Variants in DRC10 observed in about 807,000 individuals in gnomAD.
DRC10 encodes dynein regulatory complex subunit 10.
At chr12:113,218,185 G>A in the DRC10 span, among the ~76,000 whole-genome samples, 1 of 150,534 alleles carries the variant, frequency 6.6e-6, no homozygotes, top group African/African-American at 2.5e-5. Flanking sequence ...TTCCCAGGCT[G>A]GAGTGCCATG....
chr12:113,197,354 TTTC>T, the DRC10 span, among the ~76,000 whole-genome samples: 2 of 152,042 alleles, frequency 1.3e-5, no homozygotes, highest in Non-Finnish European at 2.9e-5. Context: ...TTCTGGCTCT[TTTC>T]TTTCCCACCT....
the DRC10 span, chr12:113,195,672 G>A: frequency 2.2e-5 from 35 of 1,613,288 alleles, 1 homozygote; most frequent in Middle Eastern, 1.3e-3. Flanking sequence ...TCTGAGCAGG[G>A]AGCGCACCAG....
At chr12:113,208,449 G>A in the DRC10 span, 2 of 859,366 alleles carry the variant, frequency 2.3e-6, no homozygotes, top group Admixed American at 8.5e-5. Context: ...GGAAGACCAA[G>A]TGTGGAGGCA....
the DRC10 span, among the ~76,000 whole-genome samples, chr12:113,203,379 T>C: frequency 9.9e-5 from 15 of 152,160 alleles, no homozygotes; most frequent in East Asian, 2.9e-3. Flanking sequence ...TCCTAGCTAC[T>C]CAGGAGGCTG....
the DRC10 span, chr12:113,196,020 C>G: frequency 7.4e-7 from 1 of 1,352,494 alleles, no homozygotes. Flanking sequence ...TGTTCAGCAT[C>G]TCTCGGTCCC....
chr12:113,204,077 C>G, the DRC10 span, among the ~76,000 whole-genome samples: 4 of 152,076 alleles, frequency 2.6e-5, no homozygotes, highest in African/African-American at 9.7e-5. Flanking sequence ...CCTGTCTCTA[C>G]AAAAATGTAA....
chr12:113,205,902 C>CAAAAAAAAAAA, the DRC10 span, among the ~76,000 whole-genome samples: 2 of 48,006 alleles, frequency 4.2e-5, no homozygotes, highest in Admixed American at 2.3e-4. Context: ...GACTCCGTCT[C>CAAAAAAAAAAA]AAAAAAAAAA....
chr12:113,205,095 C>G, the DRC10 span, among the ~76,000 whole-genome samples: 1 of 152,076 alleles, frequency 6.6e-6, no homozygotes, highest in African/African-American at 2.4e-5. Context: ...CTTCTCAAAA[C>G]TGTAATTAAA....
At chr12:113,213,897 T>C in the DRC10 span, among the ~76,000 whole-genome samples, 6 of 152,156 alleles carry the variant, frequency 3.9e-5, no homozygotes, top group East Asian at 3.9e-4. Flanking sequence ...TGAGCCGAGA[T>C]TGCAGCACTG....
At chr12:113,199,573 C>T in the DRC10 span, among the ~76,000 whole-genome samples, 4 of 152,222 alleles carry the variant, frequency 2.6e-5, no homozygotes, top group African/African-American at 9.6e-5. Context: ...CCGTGGCTTC[C>T]ATCAGATGCT....
the DRC10 span, among the ~76,000 whole-genome samples, chr12:113,220,734 C>T: frequency 1.3e-5 from 2 of 152,130 alleles, no homozygotes; most frequent in Admixed American, 6.5e-5. Flanking sequence ...CGATATGACT[C>T]TGCTTGACTG....
At chr12:113,199,715 G>T in the DRC10 span, among the ~76,000 whole-genome samples, 9 of 151,428 alleles carry the variant, frequency 5.9e-5, no homozygotes, top group Non-Finnish European at 1.0e-4. Flanking sequence ...GCAAATGAAG[G>T]TTTTGGGTTT....
At chr12:113,215,035 A>T in the DRC10 span, among the ~76,000 whole-genome samples, 1 of 152,114 alleles carries the variant, frequency 6.6e-6, no homozygotes, top group African/African-American at 2.4e-5. Context: ...GGTGCTTTGG[A>T]GACAGAGGAC....
the DRC10 span, chr12:113,200,649 G>T: frequency 8.5e-6 from 13 of 1,536,068 alleles, no homozygotes; most frequent in Non-Finnish European, 1.1e-5. Context: ...GCAGCTGCAG[G>T]ATCTCCTGCT....
chr12:113,218,172 C>G, the DRC10 span, among the ~76,000 whole-genome samples: 10 of 149,086 alleles, frequency 6.7e-5, no homozygotes, highest in African/African-American at 2.2e-4. Context: ...GTTTTGCTCT[C>G]GTTTCCCAGG....
At chr12:113,216,733 G>A in the DRC10 span, among the ~76,000 whole-genome samples, 5 of 152,088 alleles carry the variant, frequency 3.3e-5, no homozygotes, top group Admixed American at 3.3e-4. Context: ...CCCTTTACTG[G>A]GCAGTGAAAT....
At chr12:113,200,543 G>A in the DRC10 span, 6,978 of 1,416,940 alleles carry the variant, frequency 4.9e-3, 361 homozygotes, top group East Asian at 0.13. Flanking sequence ...CCCCACCAGG[G>A]GCCCCCTCGG....
the DRC10 span, among the ~76,000 whole-genome samples, chr12:113,196,587 C>T: frequency 5.3e-5 from 8 of 152,194 alleles, no homozygotes; most frequent in Non-Finnish European, 7.3e-5. Context: ...TGAGAGCCCC[C>T]GCCTGCAAAG....
the DRC10 span, among the ~76,000 whole-genome samples, chr12:113,198,945 T>C: frequency 6.6e-6 from 1 of 152,120 alleles, no homozygotes; most frequent in Middle Eastern, 3.4e-3. Context: ...GATACTTTTT[T>C]TTTTTCTTTT....
Sources: allele counts gnomAD v4.1 joint callset (sites outside exome capture counted in the v4.1 genomes callset), GRCh38; gene constraint gnomAD v4.1.1; transcripts MANE v1.5; gene names NCBI Gene and HGNC (gene_info 2026-07-23, HGNC 2026-07-21).